Variants in PRL observed in about 807,000 individuals in gnomAD.
PRL encodes prolactin.
A neutral mutation model predicts 21.3 loss-of-function variants in PRL; 24 were observed. The ratio of observed to expected loss-of-function variants is 1.13; its 90% CI spans 0.82 to 1.59. The LOEUF (loss-of-function observed/expected upper bound fraction) is 1.59. Among genes scored for constraint, PRL ranks in the 40% most tolerant of loss-of-function variants. The pLI is 0.00. For synonymous variants in PRL, 118 were observed against 115.7 expected (o/e 1.02, Z -0.13); for missense variants, 243 against 286.9 (o/e 0.85, Z 1.10).
At position 22,297,027 on chromosome 6, in the gene PRL, G is replaced by A. The variant is rs1761194386; in HGVS notation, c.-45C>T. On this transcript the variant is annotated 5_prime_UTR_variant, in exon 1 of 5. Transcript: ENST00000306482. ...AACACACTTCACCAGAGAAGATCTG[G>A]AAGTCTCACGGTTTTCTCTTTCCCA... is the stretch of plus-strand genomic sequence containing the variant. The A allele has an allele frequency of 3.7e-6, 6 of 1,606,284 alleles. No individual in the cohort carries two copies. The highest frequency in any genetic ancestry group is 3.3e-4 in the Middle Eastern group (2 of 6,058).
intron 1 of PRL, among the ~76,000 whole-genome samples, chr6:22,302,676 G>A (rs1478328222): frequency 6.6e-6 from 1 of 152,128 alleles, no homozygotes; most frequent in Non-Finnish European, 1.5e-5. Flanking sequence ...TTGATAAAAA[G>A]TGGACAGTCA....
chr6:22,301,771 T>C (rs757456190), upstream of PRL, among the ~76,000 whole-genome samples: 1 of 152,214 alleles, frequency 6.6e-6, no homozygotes, highest in Non-Finnish European at 1.5e-5. Context: ...TTTTTCTTAT[T>C]TATTCATTCA....
At chr6:22,294,677 A>G (rs1460003906) in intron 1 of PRL, 93 bp from the exon 2 acceptor site, 1 of 1,371,650 alleles carries the variant, frequency 7.3e-7, no homozygotes, top group Non-Finnish European at 9.7e-7. Context: ...ATTGCTCCCC[A>G]CTGCCCTCAG....
chr6:22,290,537 C>T lies in PRL; in HGVS notation c.313-184G>A, dbSNP rs539375503. On this transcript the variant is annotated intron_variant, in intron 3 of 4. Coordinates refer to ENST00000306482, the MANE Select transcript of PRL (RefSeq NM_000948.6). The stretch of plus-strand genomic sequence containing the variant: ...ATTGAAACTATTGGCCTAAACTTTG[C>T]TAAAATTAAAAAAAAATCCGGCTTA... Among the ~76,000 whole-genome samples, 5 of 151,924 alleles carry T rather than the reference C, an allele frequency of 3.3e-5. No individual in the cohort carries two copies. In the East Asian group the frequency reaches 5.8e-4, roughly 18 times the overall value.
chr6:22,299,945 G>A (rs1011009144), upstream of PRL, among the ~76,000 whole-genome samples: 1 of 152,134 alleles, frequency 6.6e-6, no homozygotes, highest in African/African-American at 2.4e-5. Flanking sequence ...AAAATCCTCA[G>A]AATGAATGTA....
chr6:22,288,484 G>A lies in PRL; in HGVS notation c.493-891C>T, dbSNP rs763547007. Among the ~76,000 whole-genome samples the A allele has an allele frequency of 1.3e-5, 2 of 151,816 alleles. No individual in the cohort carries two copies. Among genetic ancestry groups the A allele is most frequent in the African/African-American group, 2.4e-5 (1 of 41,294 alleles). The stretch of plus-strand genomic sequence containing the variant: ...CAGGAGGCAGAGATTGTGGTGAGCC[G>A]AGATGACACCACTACACTCCAGCAT... On this transcript the variant is annotated intron_variant, in intron 4 of 4. Coordinates refer to ENST00000306482, the MANE Select transcript of PRL (RefSeq NM_000948.6). This position sits in a 1 kb window ranked among gnomAD's most constrained non-coding sequence, Gnocchi z 4.5.
In PRL at chr6:22,293,843, CT is replaced by C. The variant is rs1201309740; in HGVS notation, c.204+565del. On this transcript the variant is annotated intron_variant, in intron 2 of 4. Coordinates refer to ENST00000306482, the MANE Select transcript of PRL (RefSeq NM_000948.6). Reference sequence around the variant, plus strand: ...AGGGAGGAAAAGAAAGAAAAAAGCACTGGTTTCCAATTCTAAACTAGCCCTT... The same window carrying C: ...AGGGAGGAAAAGAAAGAAAAAAGCACGGTTTCCAATTCTAAACTAGCCCTT... 4.6e-5 allele frequency among the ~76,000 whole-genome samples: 7 copies of C among 152,262 alleles called. No individual in the cohort carries two copies. The East Asian group carries it at 1.4e-3, about 29-fold the overall frequency.
chr6:22,287,645 T>C (rs1258477128), intron 4 of PRL, 52 bp from the exon 5 acceptor site: 12 of 1,435,574 alleles, frequency 8.4e-6, no homozygotes, highest in Non-Finnish European at 1.0e-5. Flanking sequence ...AGTATTTGTA[T>C]GTCCTTGTTC....
chr6:22,292,714 G>T, intron 2 of PRL, 69 bp from the exon 3 acceptor site: 1 of 1,227,458 alleles, frequency 8.1e-7, no homozygotes, highest in Non-Finnish European at 1.2e-6. Flanking sequence ...TCCATTAGCA[G>T]AATACTAATA....
rs142214055 is a variant in PRL at position 22,292,567 on chromosome 6, C to T, written c.283G>A (p.Glu95Lys). ...SCHTSSLATP[E>K]DKEQAQQMNQ... ...ATCTGTTGGGCTTGCTCCTTGTCTT[C>T]GGGGGTGGCAAGGGAAGAAGTGTGG... is the stretch of plus-strand genomic sequence containing the variant. The change falls in exon 3 of 5, where the codon GAA becomes AAA. Residue 95 changes from glutamate to lysine, a missense_variant. Transcript: ENST00000306482. 46 of 1,613,920 alleles carry T rather than the reference C, an allele frequency of 2.9e-5. 1 individual carries two copies. The highest frequency in any genetic ancestry group is 1.1e-4 in the South Asian group (10 of 91,068).
intron 1 of PRL, 149 bp from the exon 2 acceptor site, chr6:22,294,733 C>T (rs752104273): frequency 7.6e-6 from 6 of 793,642 alleles, no homozygotes; most frequent in Non-Finnish European, 1.2e-5. Context: ...GAAGAACAAA[C>T]GCCTTCCACT....
upstream of PRL, chr6:22,297,222 A>G (rs1435595168): frequency 7.3e-6 from 4 of 549,014 alleles, no homozygotes; most frequent in African/African-American, 7.6e-5. Context: ...GCCAGAAATG[A>G]ACATTCTAGG....
At position 22,293,798 on chromosome 6, in the gene PRL, GGGAAGGAA is replaced by G. The variant is rs149902270; in HGVS notation, c.204+603_204+610del. ...AGGGAAGGGAAGAAGGAAGGAAGGA[GGGAAGGAA>G]GGAAGGAAGGAAGGGAGGAAAAGAA... On this transcript the variant is annotated intron_variant, in intron 2 of 4. Transcript: ENST00000306482. Among the ~76,000 whole-genome samples the G allele has an allele frequency of 6.6e-3, 850 of 129,482 alleles. 6 individuals are homozygous for G. Among genetic ancestry groups the G allele is most frequent in the African/African-American group, 0.023 (781 of 33,986 alleles). 84.9% of individuals were successfully genotyped at this position (129,482 alleles called of 152,430 possible). A position where few individuals can be genotyped will look rare whatever the true frequency, so the allele number is the denominator to read the frequency against.
chr6:22,289,242 G>A (rs575787097), intron 4 of PRL, among the ~76,000 whole-genome samples: 5 of 152,028 alleles, frequency 3.3e-5, no homozygotes, highest in African/African-American at 9.7e-5. Context: ...TATTTTTCTC[G>A]CATGAAAATA....
chr6:22,293,990 A>G (rs944944926), intron 2 of PRL, among the ~76,000 whole-genome samples: 2 of 152,122 alleles, frequency 1.3e-5, no homozygotes, highest in African/African-American at 2.4e-5. Context: ...GTTTAATTCT[A>G]TTCAATCCAC....
chr6:22,297,248 T>C (rs1761198758), upstream of PRL: 1 of 503,676 alleles, frequency 2.0e-6, no homozygotes, highest in African/African-American at 1.9e-5. Context: ...TTTTGATTAA[T>C]TAGGCCAAAA....
Position 22,288,149 on chromosome 6 carries a change from G to A in PRL, c.493-556C>T, listed in dbSNP as rs1267118910. ...ATGACTAAGAAAAGCTGCTTACATA[G>A]TCAGGAGATTTTCATTTCCTCAAAT... On this transcript the variant is annotated intron_variant, in intron 4 of 4. Coordinates refer to ENST00000306482, the MANE Select transcript of PRL (RefSeq NM_000948.6). This position sits in a 1 kb window ranked among gnomAD's most constrained non-coding sequence, Gnocchi z 4.5. Among the ~76,000 whole-genome samples the A allele has an allele frequency of 2.0e-5, 3 of 152,146 alleles. No individual in the cohort carries two copies. Among genetic ancestry groups the A allele is most frequent in the Non-Finnish European group, 4.4e-5 (3 of 68,016 alleles).
intron 3 of PRL, 122 bp from the exon 4 acceptor site, chr6:22,290,475 A>G: frequency 1.3e-6 from 1 of 761,704 alleles, no homozygotes; most frequent in South Asian, 6.0e-5. Flanking sequence ...GTGTAGGTAC[A>G]TTTTTCTTTA....
intron 4 of PRL, 43 bp from the exon 5 acceptor site, chr6:22,287,636 G>T: frequency 6.9e-7 from 1 of 1,454,708 alleles, no homozygotes; most frequent in Non-Finnish European, 9.3e-7. Flanking sequence ...CATATTATTA[G>T]TATTTGTATG....
Sources: allele counts gnomAD v4.1 joint callset (sites outside exome capture counted in the v4.1 genomes callset), GRCh38; gene constraint gnomAD v4.1.1; non-coding constraint Gnocchi (gnomAD v3.1); transcripts MANE v1.5; gene names NCBI Gene and HGNC (gene_info 2026-07-23, HGNC 2026-07-21).